The following ZNRF1 variants were observed in gnomAD, a reference collection of about 807,000 sequenced individuals.
ZNRF1 encodes the protein E3 ubiquitin-protein ligase ZNRF1.
ZNRF1 carries 3 observed loss-of-function variants against 18.4 expected under a neutral mutation model. The ratio of observed to expected loss-of-function variants is 0.16; its 90% CI spans 0.07 to 0.42. The LOEUF (loss-of-function observed/expected upper bound fraction) is 0.42. Among genes scored for constraint, ZNRF1 ranks in the 10% least tolerant of loss-of-function variants. The pLI, the probability that ZNRF1 is intolerant of heterozygous loss-of-function variation, is 0.99. For missense variants in ZNRF1, 310 were observed against 329.8 expected (o/e 0.94, Z 0.47); for synonymous variants, 157 against 144.2 (o/e 1.09, Z -0.64).
At chr16:75,034,092 A>T (rs575772951) in intron 1 of ZNRF1, among the ~76,000 whole-genome samples, 39 of 152,252 alleles carry the variant, frequency 2.6e-4, no homozygotes, top group Non-Finnish European at 4.4e-4. Flanking sequence ...CGGGAGGCGG[A>T]GGTTGCAGTG....
In ZNRF1 at chr16:74,999,574, C is replaced by G; in HGVS notation, c.-98C>G. 1.1e-6 allele frequency: 1 copy of G among 915,370 alleles called. No individual in the cohort carries two copies. Among genetic ancestry groups the G allele is most frequent in the Non-Finnish European group, 1.5e-6 (1 of 686,688 alleles). 56.7% of individuals were successfully genotyped at this position (915,370 alleles called of 1,614,324 possible). A position where few individuals can be genotyped will look rare whatever the true frequency, so the allele number is the denominator to read the frequency against. ...CTCCCTCCGGGTCTCCTTTTTGACT[C>G]CCTCCCCCTTTATGCTCGCCCAGCC... On this transcript the variant is annotated 5_prime_UTR_variant, in exon 1 of 5. Transcript: ENST00000335325.
chr16:75,048,909 T>C (rs1279292719), intron 1 of ZNRF1, among the ~76,000 whole-genome samples: 2 of 152,204 alleles, frequency 1.3e-5, no homozygotes, highest in African/African-American at 2.4e-5. Context: ...TTAATGACTA[T>C]CCTTTTCATT....
At chr16:75,078,945 T>A (rs2035976587) in intron 1 of ZNRF1, among the ~76,000 whole-genome samples, 2 of 152,154 alleles carry the variant, frequency 1.3e-5, no homozygotes, top group South Asian at 4.1e-4. Context: ...TTATTATGAA[T>A]CAAGATTTAC....
intron 1 of ZNRF1, among the ~76,000 whole-genome samples, chr16:75,076,731 C>T (rs1259132131): frequency 6.6e-6 from 1 of 150,390 alleles, no homozygotes; most frequent in Non-Finnish European, 1.5e-5. Context: ...AAGCCTAATC[C>T]CTAATGTGAT....
intron 3 of ZNRF1, 84 bp from the exon 4 acceptor site, chr16:75,106,398 A>C: frequency 1.4e-6 from 2 of 1,438,102 alleles, no homozygotes; most frequent in South Asian, 2.3e-5. Context: ...GCTCCTGCTC[A>C]GGAATCTGGC....
At chr16:75,087,518 CAAGAG>C (rs1398551909) in intron 1 of ZNRF1, among the ~76,000 whole-genome samples, 1 of 152,192 alleles carries the variant, frequency 6.6e-6, no homozygotes, top group African/African-American at 2.4e-5. Flanking sequence ...GATCTGATGA[CAAGAG>C]AAAGAAAGGA....
chr16:75,102,626 T>A (rs2036267102), intron 2 of ZNRF1, among the ~76,000 whole-genome samples: 1 of 152,222 alleles, frequency 6.6e-6, no homozygotes, highest in Non-Finnish European at 1.5e-5. Context: ...TGGGTTTGTC[T>A]TCTGCCTTCT....
chr16:75,104,998 C>T (rs1597913286), intron 3 of ZNRF1, 109 bp downstream of exon 3: 1 of 908,914 alleles, frequency 1.1e-6, no homozygotes, highest in South Asian at 1.6e-5. Context: ...CTCCCCCGAC[C>T]TCTGGCTCCG....
chr16:75,079,559 G>C (rs1375036871), intron 1 of ZNRF1, among the ~76,000 whole-genome samples: 1 of 152,194 alleles, frequency 6.6e-6, no homozygotes, highest in Non-Finnish European at 1.5e-5. Context: ...GTCTTTCTCT[G>C]TGGTCACCAT....
chr16:75,055,796 TG>T (rs1432756082), intron 1 of ZNRF1, among the ~76,000 whole-genome samples: 4 of 152,172 alleles, frequency 2.6e-5, no homozygotes, highest in Non-Finnish European at 5.9e-5. Flanking sequence ...CTCAGTCTTG[TG>T]GGGGTAGTTA....
chr16:75,036,568 CTT>C (rs111306434), intron 1 of ZNRF1, among the ~76,000 whole-genome samples: 4 of 137,300 alleles, frequency 2.9e-5, no homozygotes, highest in Non-Finnish European at 3.2e-5. Context: ...TCATCTGTTT[CTT>C]TTTTTTTTTT....
chr16:75,072,752 C>A (rs1276966953), intron 1 of ZNRF1, among the ~76,000 whole-genome samples: 2 of 152,096 alleles, frequency 1.3e-5, no homozygotes, highest in African/African-American at 4.8e-5. Flanking sequence ...TTGAACCCCT[C>A]CTTTTGCAAG....
intron 1 of ZNRF1, among the ~76,000 whole-genome samples, chr16:75,087,896 A>C (rs2036092573): frequency 6.6e-6 from 1 of 151,830 alleles, no homozygotes; most frequent in Non-Finnish European, 1.5e-5. Flanking sequence ...CTGGCTGGCT[A>C]CTCCCCTGGC....
At chr16:75,035,641 C>G (rs554117066) in intron 1 of ZNRF1, among the ~76,000 whole-genome samples, 4 of 152,318 alleles carry the variant, frequency 2.6e-5, no homozygotes, top group Admixed American at 2.6e-4. Context: ...CTTGAGAGAT[C>G]AAATGCACGG....
At chr16:75,034,922 C>T (rs942234016) in intron 1 of ZNRF1, among the ~76,000 whole-genome samples, 4 of 151,832 alleles carry the variant, frequency 2.6e-5, no homozygotes, top group Non-Finnish European at 5.9e-5. Flanking sequence ...CCACTGCGTC[C>T]AGTTGGCTTT....
intron 1 of ZNRF1, among the ~76,000 whole-genome samples, chr16:75,020,037 A>G (rs1024267952): frequency 6.6e-6 from 1 of 151,988 alleles, no homozygotes; most frequent in Admixed American, 6.5e-5. Flanking sequence ...ACAATTCCAG[A>G]GAGAACTATG....
At chr16:75,091,578 G>A (rs1265906481) in intron 1 of ZNRF1, among the ~76,000 whole-genome samples, 1 of 149,088 alleles carries the variant, frequency 6.7e-6, no homozygotes, top group Admixed American at 6.7e-5. Context: ...TGTCCCCCAG[G>A]CTGGAGTGCA....
In ZNRF1 at chr16:75,048,657, A is replaced by G. The variant is rs4307974; in HGVS notation, c.425-44915A>G. On this transcript the variant is annotated intron_variant, in intron 1 of 4. Transcript: ENST00000335325. The stretch of plus-strand genomic sequence containing the variant: ...AATAGAACCATTAGGGCCTGCCTTT[A>G]CCAGTTAAGCATTTTTGGCAGAAGG... Among the ~76,000 whole-genome samples the G allele has an allele frequency of 1.6e-4, 24 of 152,242 alleles. 2 individuals are homozygous for G. The highest frequency in any genetic ancestry group is 1.2e-3 in the South Asian group (6 of 4,826).
intron 1 of ZNRF1, among the ~76,000 whole-genome samples, chr16:75,067,409 G>A (rs1195528498): frequency 4.6e-5 from 7 of 152,138 alleles, no homozygotes; most frequent in Non-Finnish European, 7.3e-5. Context: ...TGTGGGATGA[G>A]ATATATATTG....
Sources: gnomAD v4.1 joint callset for allele counts (sites outside exome capture counted in the v4.1 genomes callset) on GRCh38, gnomAD v4.1.1 for gene constraint, MANE v1.5 for transcripts, NCBI Gene and HGNC (gene_info 2026-07-23, HGNC 2026-07-21) for gene names.